The following PCDHA3 variants were observed in gnomAD, a reference collection of about 807,000 sequenced individuals.
The protein encoded by PCDHA3 is protocadherin alpha-3.
Under a neutral mutation model 62.2 loss-of-function variants are expected in PCDHA3, and 41 were observed. The observed-to-expected ratio is 0.66, with a 90% CI of 0.51 to 0.86. The LOEUF (loss-of-function observed/expected upper bound fraction) is 0.86, where lower values mean the gene tolerates loss of function less well. Among genes scored for constraint, PCDHA3 ranks in the 40% least tolerant of loss-of-function variants. PCDHA3 has a pLI of 0.00. For synonymous variants in PCDHA3, 640 were observed against 555.4 expected (o/e 1.15, Z -2.14); for missense variants, 1,304 against 1,241.2 (o/e 1.05, Z -0.76).
chr5:140,850,271 G>A, intron 1 of PCDHA3: 2 of 1,595,372 alleles, frequency 1.3e-6, no homozygotes, highest in Non-Finnish European at 1.7e-6. Context: ...TAGTGGTGGG[G>A]AAGGTGCGCG....
rs201131092 is a variant in PCDHA3 at position 141,009,948 on chromosome 5, T to A, written c.*11T>A. ...AACAGTGACCAGTGAGGTCCTCAAATGGAAACAAGCCACTTAGCCAGTTTT... is the reference window on the plus strand; with the variant it reads ...AACAGTGACCAGTGAGGTCCTCAAAAGGAAACAAGCCACTTAGCCAGTTTT... On this transcript the variant is annotated 3_prime_UTR_variant, in exon 4 of 4. Coordinates refer to ENST00000522353, the MANE Select transcript of PCDHA3 (RefSeq NM_018906.3). The A allele has an allele frequency of 9.4e-6, 15 of 1,595,948 alleles. No homozygotes were observed. In the East Asian group the frequency reaches 3.4e-4, roughly 36 times the overall value.
At chr5:140,807,149 A>T (rs1448139533) in intron 1 of PCDHA3, 1 of 1,578,410 alleles carries the variant, frequency 6.3e-7, no homozygotes, top group Admixed American at 1.8e-5. Context: ...TGACTTTGAG[A>T]AACGATATTT....
intron 1 of PCDHA3, chr5:140,866,765 C>G (rs1053050045): frequency 6.6e-6 from 1 of 152,122 alleles, no homozygotes; most frequent in Non-Finnish European, 1.5e-5. Context: ...GACATACAGG[C>G]AGATTGTATG....
chr5:140,948,705 T>C (rs1585306851), intron 1 of PCDHA3, among the ~76,000 whole-genome samples: 1 of 151,580 alleles, frequency 6.6e-6, no homozygotes, highest in African/African-American at 2.4e-5. Context: ...ATTTGTGTTC[T>C]ATCCTCTTTT....
chr5:140,917,370 C>G (rs571895312), intron 1 of PCDHA3, among the ~76,000 whole-genome samples: 24 of 150,458 alleles, frequency 1.6e-4, no homozygotes, highest in African/African-American at 5.8e-4. Context: ...CTATCTTGCT[C>G]CACCTCAATA....
chr5:140,968,008 C>T, intron 1 of PCDHA3: 1 of 1,614,202 alleles, frequency 6.2e-7, no homozygotes, highest in Non-Finnish European at 8.5e-7. Flanking sequence ...GACTGAATGG[C>T]TTTGGAAACT....
intron 1 of PCDHA3, chr5:140,857,309 G>A: frequency 6.3e-7 from 1 of 1,598,786 alleles, no homozygotes; most frequent in East Asian, 2.2e-5. Flanking sequence ...GTCGGCCTAT[G>A]AGCTGGTGGT....
intron 1 of PCDHA3, chr5:140,863,203 G>C: frequency 1.1e-6 from 1 of 948,504 alleles, no homozygotes; most frequent in Non-Finnish European, 1.6e-6. Flanking sequence ...GTCGCTGGCG[G>C]AGAGCAGCCA....
intron 1 of PCDHA3, among the ~76,000 whole-genome samples, chr5:140,972,667 T>G (rs1442293512): frequency 1.3e-5 from 2 of 149,086 alleles, no homozygotes; most frequent in East Asian, 3.9e-4. Context: ...CAAATTTTTT[T>G]TTTTTTTTTT....
chr5:140,839,049 A>G (rs943525046), intron 1 of PCDHA3, among the ~76,000 whole-genome samples: 2 of 152,062 alleles, frequency 1.3e-5, no homozygotes, highest in African/African-American at 4.8e-5. Context: ...TTCAACGTGA[A>G]TAAGGATAGA....
chr5:141,000,393 CTCTATATA>C (rs1486021873), intron 3 of PCDHA3, among the ~76,000 whole-genome samples: 100 of 52,828 alleles, frequency 1.9e-3, no homozygotes, highest in Middle Eastern at 0.012. Context: ...CTCTCTCTCT[CTCTATATA>C]TATATATATA....
intron 1 of PCDHA3, chr5:140,834,582 G>C (rs1554134344): frequency 5.6e-6 from 9 of 1,614,016 alleles, no homozygotes; most frequent in Non-Finnish European, 7.6e-6. Flanking sequence ...GTTCCGGGCG[G>C]TGTGCAAATT....
chr5:140,924,909 AAT>A (rs1563069038), intron 1 of PCDHA3, among the ~76,000 whole-genome samples: 1,502 of 66,200 alleles, frequency 0.023, 33 homozygotes, highest in African/African-American at 0.07. Context: ...AAAAAAATAA[AAT>A]AAAATAAAAT....
In PCDHA3 at chr5:140,852,077, T is replaced by C. The variant is rs1291291529; in HGVS notation, c.2394+48486T>C. 28 of 903,448 alleles carry C rather than the reference T, an allele frequency of 3.1e-5. 1 individual carries two copies. The highest frequency in any genetic ancestry group is 3.8e-5 in the Non-Finnish European group (28 of 741,468). The allele number at this position is 903,448 out of a possible 1,614,324, so 56.0% of individuals were successfully genotyped here. ...ATATTTTTCTTTCTCTTTCAGCTAT[T>C]TTATTTAATATTGTGTCAGATATTT... is the stretch of plus-strand genomic sequence containing the variant. On this transcript the variant is annotated intron_variant, in intron 1 of 3. Coordinates refer to ENST00000522353, the MANE Select transcript of PCDHA3 (RefSeq NM_018906.3).
chr5:140,858,817 G>A (rs1212820522), intron 1 of PCDHA3: 1 of 345,356 alleles, frequency 2.9e-6, no homozygotes, highest in Non-Finnish European at 5.3e-6. Context: ...TGATTTGATT[G>A]TATTTGCATT....
chr5:140,888,606 G>A (rs2061900283), intron 1 of PCDHA3, among the ~76,000 whole-genome samples: 2 of 152,180 alleles, frequency 1.3e-5, no homozygotes, highest in African/African-American at 4.8e-5. Context: ...GCAGCTTTTA[G>A]TGTAGCACTA....
intron 1 of PCDHA3, chr5:140,805,348 A>C: frequency 1.6e-6 from 2 of 1,213,388 alleles, no homozygotes; most frequent in Non-Finnish European, 1.0e-6. Context: ...CATTTTGTAA[A>C]AATATAGTTT....
chr5:140,817,291 C>A (rs1416812795), intron 1 of PCDHA3: 1 of 152,222 alleles, frequency 6.6e-6, no homozygotes, highest in East Asian at 1.9e-4. Context: ...CTGGATGGGA[C>A]TATAGGGAAA....
intron 1 of PCDHA3, among the ~76,000 whole-genome samples, chr5:140,846,000 GA>G (rs1346490644): frequency 1.3e-5 from 2 of 149,558 alleles, no homozygotes; most frequent in African/African-American, 2.4e-5. Context: ...GTGGTGGAAT[GA>G]AAAAAATCTA....
Sources: gnomAD v4.1 joint callset for allele counts (sites outside exome capture counted in the v4.1 genomes callset) on GRCh38, gnomAD v4.1.1 for gene constraint, MANE v1.5 for transcripts, NCBI Gene and HGNC (gene_info 2026-07-23, HGNC 2026-07-21) for gene names.